The following ZBTB20 variants were observed in gnomAD, a reference collection of about 807,000 sequenced individuals.
The protein encoded by ZBTB20 is zinc finger and BTB domain-containing protein 20.
In ZBTB20, 9 loss-of-function variants were observed where a neutral mutation model predicts 56.9. That is an observed-to-expected ratio of 0.16 (90% CI 0.10 to 0.28). The LOEUF (loss-of-function observed/expected upper bound fraction) is 0.28, where lower values mean the gene tolerates loss of function less well. Ranked by LOEUF, ZBTB20 falls within the 10% of genes least tolerant of loss-of-function variation. The probability of loss-of-function intolerance (pLI) is 1.00; values close to 1 mark genes in which losing one functional copy is unlikely to be tolerated. For missense variants in ZBTB20, 655 were observed against 1,003.0 expected (o/e 0.65, Z 4.69); for synonymous variants, 417 against 420.7 (o/e 0.99, Z 0.11).
chr3:114,784,872 A>T (rs1306485956), intron 5 of ZBTB20, among the ~76,000 whole-genome samples: 2 of 152,202 alleles, frequency 1.3e-5, no homozygotes, highest in Non-Finnish European at 2.9e-5. Context: ...TAATTATAAC[A>T]ATAGCTAACA....
chr3:114,686,446 A>G (rs1167602540), intron 6 of ZBTB20, among the ~76,000 whole-genome samples: 1 of 152,198 alleles, frequency 6.6e-6, no homozygotes, highest in Non-Finnish European at 1.5e-5. Flanking sequence ...CCATTTCTTC[A>G]ATCCAATGCT....
intron 4 of ZBTB20, among the ~76,000 whole-genome samples, chr3:114,869,914 AT>A (rs1195993084): frequency 1.3e-5 from 2 of 152,198 alleles, no homozygotes; most frequent in Non-Finnish European, 2.9e-5. Context: ...TAAATTGGAC[AT>A]GTGATAATAC....
Position 114,593,064 on chromosome 3 carries a change from T to C in ZBTB20, c.-294-92673A>G, listed in dbSNP as rs770707813. 2.0e-5 allele frequency among the ~76,000 whole-genome samples: 3 copies of C among 152,282 alleles called. No homozygotes were observed. The East Asian group carries it at 5.8e-4, about 29-fold the overall frequency. The stretch of plus-strand genomic sequence containing the variant: ...TATAATTATTGAGTAAAAGAGGATT[T>C]TCATTATGGAGACATGTACAGCTAT... On this transcript the variant is annotated intron_variant, in intron 6 of 11. Coordinates refer to ENST00000675478, the MANE Select transcript of ZBTB20 (RefSeq NM_001348800.3).
At chr3:114,392,600 A>G (rs2085980316) in intron 7 of ZBTB20, among the ~76,000 whole-genome samples, 1 of 152,208 alleles carries the variant, frequency 6.6e-6, no homozygotes, top group South Asian at 2.1e-4. Context: ...ACTATTGGCA[A>G]TCTGCTATTA....
intron 6 of ZBTB20, among the ~76,000 whole-genome samples, chr3:114,599,730 A>C (rs2056612840): frequency 6.6e-6 from 1 of 151,992 alleles, no homozygotes; most frequent in South Asian, 2.1e-4. Context: ...CATTTTATAG[A>C]TGAGAAAACC....
At chr3:115,124,061 T>A (rs2084255028) in intron 1 of ZBTB20, among the ~76,000 whole-genome samples, 1 of 152,220 alleles carries the variant, frequency 6.6e-6, no homozygotes, top group Non-Finnish European at 1.5e-5. Context: ...AGTTAAAATA[T>A]GTTAAGCACT....
At chr3:115,130,005 G>A (rs1301655177) in intron 1 of ZBTB20, among the ~76,000 whole-genome samples, 1 of 152,060 alleles carries the variant, frequency 6.6e-6, no homozygotes, top group Non-Finnish European at 1.5e-5. Flanking sequence ...TGTCCATTAA[G>A]TGTAAAAAAT....
chr3:114,524,774 A>G (rs1207783458), intron 6 of ZBTB20, among the ~76,000 whole-genome samples: 2 of 152,014 alleles, frequency 1.3e-5, no homozygotes, highest in Non-Finnish European at 2.9e-5. Flanking sequence ...GTGCACAGTC[A>G]TGCCATCTCA....
rs529990580 is a variant in ZBTB20, at chr3:114,412,534, T to C, written c.-254-23429A>G. ...CACCGGGATGCTGACCTTGGGTTCA[T>C]AGACTAACTCCACAGTAGGTTGCCA... On this transcript the variant is annotated intron_variant, in intron 7 of 11. Transcript: ENST00000675478. Among the ~76,000 whole-genome samples the C allele has an allele frequency of 2.4e-4, 37 of 152,254 alleles. 1 individual carries two copies. The South Asian group carries it at 5.8e-3, about 24-fold the overall frequency.
chr3:114,996,234 C>T (rs2079020726), intron 2 of ZBTB20, among the ~76,000 whole-genome samples: 1 of 151,580 alleles, frequency 6.6e-6, no homozygotes, highest in African/African-American at 2.4e-5. Flanking sequence ...ATGCTTTAAG[C>T]TCCGGGGTAC....
chr3:114,420,400 C>T (rs2089033908), intron 7 of ZBTB20, among the ~76,000 whole-genome samples: 1 of 152,108 alleles, frequency 6.6e-6, no homozygotes. Flanking sequence ...ATCCCCATTG[C>T]GACTGGCAGT....
chr3:114,424,251 T>C (rs1380882124), intron 7 of ZBTB20, among the ~76,000 whole-genome samples: 2 of 152,164 alleles, frequency 1.3e-5, no homozygotes, highest in Admixed American at 1.3e-4. Flanking sequence ...CAAGTAATCA[T>C]AGATACAAAG....
intron 1 of ZBTB20, among the ~76,000 whole-genome samples, chr3:115,132,291 T>C (rs2084529422): frequency 6.6e-6 from 1 of 152,162 alleles, no homozygotes. Flanking sequence ...CTATGGAAAA[T>C]GGAATAATAT....
chr3:114,751,055 A>G (rs2067522713), intron 5 of ZBTB20, among the ~76,000 whole-genome samples: 1 of 152,208 alleles, frequency 6.6e-6, no homozygotes, highest in Non-Finnish European at 1.5e-5. Flanking sequence ...GGGTATTTAA[A>G]TAGATCAAAT....
chr3:115,109,509 TC>T (rs112258619), intron 1 of ZBTB20, among the ~76,000 whole-genome samples: 2 of 152,110 alleles, frequency 1.3e-5, no homozygotes, highest in South Asian at 2.1e-4. Context: ...TCTCATTTAA[TC>T]CCCCAACAGC....
chr3:114,360,204 T>C (rs1576345504), intron 10 of ZBTB20, among the ~76,000 whole-genome samples: 1 of 152,158 alleles, frequency 6.6e-6, no homozygotes, highest in Non-Finnish European at 1.5e-5. Flanking sequence ...GAAACTGCTT[T>C]TGAAGCAGGT....
chr3:114,442,171 C>T (rs1285840425), intron 7 of ZBTB20, among the ~76,000 whole-genome samples: 2 of 152,062 alleles, frequency 1.3e-5, no homozygotes, highest in African/African-American at 4.8e-5. Flanking sequence ...AGAGGCAATA[C>T]CAAGTTCTTG....
At chr3:114,691,729 T>C (rs756657027) in intron 6 of ZBTB20, among the ~76,000 whole-genome samples, 17 of 152,074 alleles carry the variant, frequency 1.1e-4, no homozygotes, top group Non-Finnish European at 2.1e-4. Context: ...TTTAAAAATA[T>C]ATCCTCGGGG....
At chr3:114,968,434 G>T (rs2077738506) in intron 3 of ZBTB20, among the ~76,000 whole-genome samples, 2 of 152,174 alleles carry the variant, frequency 1.3e-5, no homozygotes, top group South Asian at 4.1e-4. Context: ...CGAGTAAAAA[G>T]AATGTATGTC....
Sources: gnomAD v4.1 joint callset for allele counts (sites outside exome capture counted in the v4.1 genomes callset) on GRCh38, gnomAD v4.1.1 for gene constraint, MANE v1.5 for transcripts, NCBI Gene and HGNC (gene_info 2026-07-23, HGNC 2026-07-21) for gene names.